The following NPSR1 variants were observed in gnomAD, a reference collection of about 807,000 sequenced individuals.
The protein encoded by NPSR1 is neuropeptide S receptor.
In NPSR1, 48 loss-of-function variants were observed where a neutral mutation model predicts 46.9. That is an observed-to-expected ratio of 1.02 (90% CI 0.81 to 1.30). The LOEUF (loss-of-function observed/expected upper bound fraction) is 1.30, where lower values mean the gene tolerates loss of function less well. Ranked by LOEUF, NPSR1 falls within the 50% of genes most tolerant of loss-of-function variation. The pLI is 0.00. For missense variants in NPSR1, 450 were observed against 449.5 expected (o/e 1.00, Z -0.01); for synonymous variants, 176 against 168.1 (o/e 1.05, Z -0.36).
At chr7:34,671,737 CT>C (rs1792071119) in intron 1 of NPSR1, among the ~76,000 whole-genome samples, 1 of 152,178 alleles carries the variant, frequency 6.6e-6, no homozygotes, top group African/African-American at 2.4e-5. Context: ...CTCATGCCCC[CT>C]CCCCTACTGT....
chr7:34,679,984 TA>T (rs1316099780), intron 1 of NPSR1, among the ~76,000 whole-genome samples: 1 of 152,052 alleles, frequency 6.6e-6, no homozygotes, highest in South Asian at 2.1e-4. Flanking sequence ...ATCAACAGTA[TA>T]AAAATAATTG....
At chr7:34,708,693 T>C (rs1251541892) in intron 2 of NPSR1, among the ~76,000 whole-genome samples, 7 of 152,212 alleles carry the variant, frequency 4.6e-5, no homozygotes, top group African/African-American at 1.2e-4. Context: ...TGCCCAAGTA[T>C]TGGAAACCTT....
At chr7:34,673,799 C>CT (rs1334360879) in intron 1 of NPSR1, among the ~76,000 whole-genome samples, 3 of 152,144 alleles carry the variant, frequency 2.0e-5, no homozygotes, top group Non-Finnish European at 4.4e-5. Context: ...AGATTTCTTA[C>CT]TTTTTTGTGA....
At chr7:34,711,824 T>C (rs1359470418) in intron 2 of NPSR1, among the ~76,000 whole-genome samples, 2 of 152,188 alleles carry the variant, frequency 1.3e-5, no homozygotes, top group African/African-American at 4.8e-5. Flanking sequence ...GCCCCACAGT[T>C]CCCTGTAAGT....
chr7:34,709,718 T>C (rs2128701410), intron 2 of NPSR1, among the ~76,000 whole-genome samples: 1 of 152,326 alleles, frequency 6.6e-6, no homozygotes, highest in Admixed American at 6.5e-5. Flanking sequence ...CTTTGTTTTA[T>C]TCTCCAAGAA....
At position 34,819,914 on chromosome 7, in the gene NPSR1, C is replaced by T. The variant is rs936776773; in HGVS notation, c.479-7487C>T. ...GGGTGGGGAACATCAGACACCGGGG[C>T]CTGTCAGGGAGTGAGGGGCTGGGGG... On this transcript the variant is annotated intron_variant, in intron 4 of 8. Transcript: ENST00000360581. Among the ~76,000 whole-genome samples, 4 of 152,180 alleles carry T rather than the reference C, an allele frequency of 2.6e-5. No individual in the cohort carries two copies. The South Asian group carries it at 8.3e-4, about 32-fold the overall frequency.
intron 6 of NPSR1, among the ~76,000 whole-genome samples, chr7:34,840,321 A>T (rs1477966132): frequency 6.6e-6 from 1 of 152,088 alleles, no homozygotes; most frequent in Non-Finnish European, 1.5e-5. Flanking sequence ...GTCAAAGGGA[A>T]ATGTAAGTTC....
At chr7:34,750,375 G>C (rs1290129234) in intron 2 of NPSR1, 2 of 739,942 alleles carry the variant, frequency 2.7e-6, no homozygotes, top group Non-Finnish European at 5.1e-6. Context: ...ACAACTTTTG[G>C]TTTCTTTTCG....
chr7:34,768,950 A>C (rs976473755), intron 2 of NPSR1, among the ~76,000 whole-genome samples: 5 of 152,164 alleles, frequency 3.3e-5, no homozygotes, highest in Non-Finnish European at 7.4e-5. Context: ...CCTAGCAGAC[A>C]GTGGTGCTAT....
At chr7:34,686,960 C>CAAAAAAA (rs66886501) in intron 2 of NPSR1, among the ~76,000 whole-genome samples, 12 of 94,188 alleles carry the variant, frequency 1.3e-4, no homozygotes, top group Non-Finnish European at 1.3e-4. Context: ...GACTCCGTCT[C>CAAAAAAA]AAAAAAAAAA....
chr7:34,829,566 A>C (rs1790021702), intron 5 of NPSR1, among the ~76,000 whole-genome samples: 1 of 152,156 alleles, frequency 6.6e-6, no homozygotes, highest in Admixed American at 6.5e-5. Context: ...TCCTGGCTTC[A>C]CTGCTGATTG....
At chr7:34,760,035 A>G (rs1372337009) in intron 2 of NPSR1, among the ~76,000 whole-genome samples, 1 of 152,214 alleles carries the variant, frequency 6.6e-6, no homozygotes, top group East Asian at 1.9e-4. Flanking sequence ...CACTGTTTCC[A>G]TAGTGAGAAT....
At chr7:34,813,306 A>G (rs1789083707) in intron 4 of NPSR1, among the ~76,000 whole-genome samples, 1 of 152,202 alleles carries the variant, frequency 6.6e-6, no homozygotes. Flanking sequence ...AATATTCATA[A>G]TATCTCTGTG....
At chr7:34,674,756 G>T (rs1327563289) in intron 1 of NPSR1, among the ~76,000 whole-genome samples, 2 of 152,168 alleles carry the variant, frequency 1.3e-5, no homozygotes, top group Admixed American at 6.6e-5. Context: ...GCTGCATCTT[G>T]TGTGACATTT....
intron 5 of NPSR1, among the ~76,000 whole-genome samples, chr7:34,831,471 G>A (rs79866699): frequency 0.011 from 1,673 of 152,148 alleles, 34 homozygotes; most frequent in African/African-American, 0.038. Flanking sequence ...AAGAAAGGAG[G>A]GGGGAAGAAA....
intron 2 of NPSR1, among the ~76,000 whole-genome samples, chr7:34,772,487 C>T (rs1263854437): frequency 6.6e-6 from 1 of 152,128 alleles, no homozygotes; most frequent in East Asian, 1.9e-4. Context: ...TCTCATAAAG[C>T]CTAATGGTGT....
chr7:34,727,097 G>A (rs1784193744), intron 2 of NPSR1, among the ~76,000 whole-genome samples: 1 of 152,110 alleles, frequency 6.6e-6, no homozygotes, highest in East Asian at 1.9e-4. Flanking sequence ...AGCAGGGAGT[G>A]GGGGTTGTGC....
intron 8 of NPSR1, among the ~76,000 whole-genome samples, chr7:34,865,967 T>A (rs762795948): frequency 3.3e-5 from 5 of 151,832 alleles, no homozygotes; most frequent in Non-Finnish European, 5.9e-5. Context: ...AGAGTCCACC[T>A]GCTTTACAGA....
chr7:34,785,073 C>T (rs1219137723), intron 3 of NPSR1, among the ~76,000 whole-genome samples: 4 of 151,906 alleles, frequency 2.6e-5, no homozygotes, highest in African/African-American at 9.7e-5. Flanking sequence ...TATAAAGACA[C>T]ATGCACACGT....
Sources: allele counts gnomAD v4.1 joint callset (sites outside exome capture counted in the v4.1 genomes callset), GRCh38; gene constraint gnomAD v4.1.1; transcripts MANE v1.5; gene names NCBI Gene and HGNC (gene_info 2026-07-23, HGNC 2026-07-21).